The following CRB1 variants were observed in gnomAD, a reference collection of about 807,000 sequenced individuals.
CRB1 encodes the protein protein crumbs homolog 1.
In CRB1, 83 loss-of-function variants were observed where a neutral mutation model predicts 120.0. The ratio of observed to expected loss-of-function variants is 0.69; its 90% CI spans 0.58 to 0.83. CRB1 has a LOEUF of 0.83. Ranked by LOEUF, CRB1 falls within the 40% of genes least tolerant of loss-of-function variation. The probability of loss-of-function intolerance (pLI) is 0.00; values close to 1 mark genes in which losing one functional copy is unlikely to be tolerated. For missense variants in CRB1, 1,699 were observed against 1,687.6 expected, an observed-to-expected ratio of 1.01 and a Z score of -0.12; for synonymous variants, 625 against 612.5, an observed-to-expected ratio of 1.02 and a Z score of -0.30.
chr1:197,367,853 TCCTGG>T (rs1661158538), intron 5 of CRB1, among the ~76,000 whole-genome samples: 2 of 152,134 alleles, frequency 1.3e-5, no homozygotes, highest in East Asian at 3.9e-4. Context: ...TCCTATGAAG[TCCTGG>T]CTTCAAACCT....
intron 5 of CRB1, among the ~76,000 whole-genome samples, chr1:197,372,082 G>C (rs1173527354): frequency 6.6e-6 from 1 of 152,126 alleles, no homozygotes; most frequent in Non-Finnish European, 1.5e-5. Flanking sequence ...GTGACTGACA[G>C]AGACTGGGAT....
At chr1:197,380,441 A>T (rs752625597) in intron 5 of CRB1, among the ~76,000 whole-genome samples, 4 of 152,162 alleles carry the variant, frequency 2.6e-5, no homozygotes, top group African/African-American at 4.8e-5. Flanking sequence ...TTCACTTAAG[A>T]AGAATCTAGA....
chr1:197,340,627 G>C (rs953892419), intron 2 of CRB1, among the ~76,000 whole-genome samples: 23 of 152,258 alleles, frequency 1.5e-4, no homozygotes, highest in African/African-American at 5.3e-4. Context: ...TTCTAAGAGA[G>C]AGATGATGAG....
At chr1:197,319,730 G>A (rs1200931549) in intron 1 of CRB1, among the ~76,000 whole-genome samples, 12 of 151,902 alleles carry the variant, frequency 7.9e-5, no homozygotes, top group Admixed American at 7.9e-4. Context: ...AGCAACATAG[G>A]AGGATTTAGA....
chr1:197,344,220 C>A (rs1258243567), intron 2 of CRB1, 61 bp from the exon 3 acceptor site: 8 of 1,516,348 alleles, frequency 5.3e-6, no homozygotes, highest in Non-Finnish European at 6.4e-6. Flanking sequence ...TGTCAAATTG[C>A]TAAATTATGA....
upstream of CRB1, among the ~76,000 whole-genome samples, chr1:197,265,123 T>TG (rs1244798612): frequency 6.6e-5 from 10 of 152,332 alleles, no homozygotes; most frequent in African/African-American, 2.4e-4. Context: ...TTTATAGTTT[T>TG]AAGCTGTGAG....
intron 1 of CRB1, 94 bp downstream of exon 1, chr1:197,268,576 T>A: frequency 4.0e-6 from 4 of 1,012,628 alleles, no homozygotes; most frequent in Middle Eastern, 2.1e-4. Context: ...TTCTATAAAA[T>A]ACAATGCTAA....
chr1:197,402,241 T>G (rs1663102278), intron 5 of CRB1, among the ~76,000 whole-genome samples: 1 of 152,162 alleles, frequency 6.6e-6, no homozygotes, highest in Non-Finnish European at 1.5e-5. Context: ...TCAGTGTCTG[T>G]TGTTCCCTTC....
intron 5 of CRB1, among the ~76,000 whole-genome samples, chr1:197,393,477 G>T (rs1199199674): frequency 1.3e-5 from 2 of 152,032 alleles, no homozygotes; most frequent in Non-Finnish European, 2.9e-5. Flanking sequence ...TACAAATCTA[G>T]ATGAATATGC....
At chr1:197,255,996 T>TATATATATATATATACATAC in the CRB1 span, among the ~76,000 whole-genome samples, 2 of 116,710 alleles carry the variant, frequency 1.7e-5, no homozygotes, top group Non-Finnish European at 3.5e-5. Flanking sequence ...TATATATATA[T>TATATATATATATATACATAC]ACACTACAAT....
At chr1:197,248,230 T>C in the CRB1 span, among the ~76,000 whole-genome samples, 1 of 152,040 alleles carries the variant, frequency 6.6e-6, no homozygotes, top group African/African-American at 2.4e-5. Context: ...AATTTTCTCA[T>C]CTGCAAATAA....
In CRB1 at chr1:197,477,938, C is replaced by T. The variant is rs970547905; in HGVS notation, c.*59C>T. The T allele has an allele frequency of 1.1e-5, 17 of 1,510,298 alleles. No individual in the cohort carries two copies. The East Asian group carries it at 3.8e-4, about 34-fold the overall frequency. The allele number at this position is 1,510,298 out of a possible 1,614,324, so 93.6% of individuals were successfully genotyped here. A position where few individuals can be genotyped will look rare whatever the true frequency, so the allele number is the denominator to read the frequency against. Reference sequence around the variant, plus strand: ...CACTGTGAATGTGATGACTGTACTTCAGGTATCTCTGACATACCTGACAAT... The same window carrying T: ...CACTGTGAATGTGATGACTGTACTTTAGGTATCTCTGACATACCTGACAAT... On this transcript the variant is annotated 3_prime_UTR_variant, in exon 12 of 12. Transcript: ENST00000367400.
chr1:197,277,852 C>T (rs1163621412), intron 1 of CRB1, among the ~76,000 whole-genome samples: 1 of 151,756 alleles, frequency 6.6e-6, no homozygotes, highest in African/African-American at 2.4e-5. Flanking sequence ...TTTTCAAGGC[C>T]TACATTTTAT....
intron 4 of CRB1, 79 bp from the exon 5 acceptor site, chr1:197,356,752 C>A: frequency 2.2e-6 from 3 of 1,388,500 alleles, no homozygotes; most frequent in Non-Finnish European, 3.1e-6. Flanking sequence ...GCCAGTATAG[C>A]AGTCAACCTC....
At chr1:197,215,885 A>G in the CRB1 span, among the ~76,000 whole-genome samples, 1 of 152,220 alleles carries the variant, frequency 6.6e-6, no homozygotes, top group Non-Finnish European at 1.5e-5. Flanking sequence ...TCAATGACAT[A>G]TGTCAATAAA....
intron 1 of CRB1, among the ~76,000 whole-genome samples, chr1:197,323,609 A>AT (rs544886021): frequency 2.0e-5 from 3 of 152,336 alleles, no homozygotes; most frequent in African/African-American, 7.2e-5. Context: ...TGTCAAAGGA[A>AT]TATAATTAGT....
intron 11 of CRB1, among the ~76,000 whole-genome samples, chr1:197,453,879 A>G (rs961489514): frequency 3.5e-5 from 5 of 141,144 alleles, no homozygotes; most frequent in Admixed American, 2.2e-4. Flanking sequence ...TATTAATAAT[A>G]TATATTATTA....
At chr1:197,316,908 TACAAAAAAAAAAA>T (rs1657880389) in intron 1 of CRB1, among the ~76,000 whole-genome samples, 1 of 66,386 alleles carries the variant, frequency 1.5e-5, no homozygotes. Context: ...TTACAATGGC[TACAAAAAAAAAAA>T]ACAAAAAAAA....
At chr1:197,423,477 G>A (rs1353601509) in intron 6 of CRB1, among the ~76,000 whole-genome samples, 1 of 152,066 alleles carries the variant, frequency 6.6e-6, no homozygotes, top group African/African-American at 2.4e-5. Context: ...TTTTCTTTCT[G>A]AAAATTCTTG....
Sources: gnomAD v4.1 joint callset for allele counts (sites outside exome capture counted in the v4.1 genomes callset) on GRCh38, gnomAD v4.1.1 for gene constraint, MANE v1.5 for transcripts, NCBI Gene and HGNC (gene_info 2026-07-23, HGNC 2026-07-21) for gene names.